Variants in TTBK1 observed in about 807,000 individuals in gnomAD.
The protein encoded by TTBK1 is tau-tubulin kinase 1.
A neutral mutation model predicts 108.5 loss-of-function variants in TTBK1; 34 were observed. The ratio of observed to expected loss-of-function variants is 0.31; its 90% CI spans 0.24 to 0.42. The LOEUF is 0.42. Ranked by LOEUF, TTBK1 falls within the 10% of genes least tolerant of loss-of-function variation. The pLI is 1.00. For missense variants in TTBK1, 1,539 were observed against 1,826.0 expected, an observed-to-expected ratio of 0.84 and a Z score of 2.86; for synonymous variants, 809 against 795.1, an observed-to-expected ratio of 1.02 and a Z score of -0.29.
intron 13 of TTBK1, among the ~76,000 whole-genome samples, chr6:43,277,746 C>T: frequency 6.6e-6 from 1 of 152,176 alleles, no homozygotes; most frequent in Middle Eastern, 3.2e-3. Context: ...AGTGGTGGCA[C>T]AGACAGACAA....
At chr6:43,279,646 T>C (rs1778096821) in intron 13 of TTBK1, among the ~76,000 whole-genome samples, 1 of 152,158 alleles carries the variant, frequency 6.6e-6, no homozygotes, top group Non-Finnish European at 1.5e-5. Flanking sequence ...TGGCACACAG[T>C]TGGTGCTTAG....
chr6:43,252,564 G>A, intron 2 of TTBK1, among the ~76,000 whole-genome samples, 175 bp from the exon 3 acceptor site: 1 of 151,604 alleles, frequency 6.6e-6, no homozygotes, highest in East Asian at 1.9e-4. Context: ...GGAGGTTGCA[G>A]TGAGCCGAGA....
At chr6:43,279,250 G>C (rs1042824830) in intron 13 of TTBK1, among the ~76,000 whole-genome samples, 1 of 152,168 alleles carries the variant, frequency 6.6e-6, no homozygotes, top group Non-Finnish European at 1.5e-5. Context: ...GTGTTGCGGG[G>C]GATCCCATCC....
chr6:43,259,575 C>A lies in TTBK1; in HGVS notation c.1293C>A (p.Pro431=), dbSNP rs750712042. 3.1e-6 allele frequency: 5 copies of A among 1,607,052 alleles called. No individual in the cohort carries two copies. Among genetic ancestry groups the A allele is most frequent in the Non-Finnish European group, 3.4e-6 (4 of 1,176,900 alleles). ...EEEQSRGMGV[P]SSPVRAPPDS... ...AACAGAGCCGAGGCATGGGGGTCCC[C>A]AGCTCCCCAGTGCGTGCCCCCCCAG... Residue 431 remains proline, a synonymous_variant, in exon 12 of 15, where the codon CCC becomes CCA. Transcript: ENST00000259750. This position sits in a 1 kb window ranked among gnomAD's most constrained non-coding sequence, Gnocchi z 6.7.
At chr6:43,264,777 G>T (rs10948070) in intron 13 of TTBK1, among the ~76,000 whole-genome samples, 2,753 of 152,232 alleles carry the variant, frequency 0.018, 42 homozygotes, top group Middle Eastern at 0.027. Context: ...TGAGCTCTGA[G>T]AGCCAGGTGG....
intron 13 of TTBK1, among the ~76,000 whole-genome samples, chr6:43,266,613 A>AT (rs67120400): frequency 4.7e-4 from 68 of 146,210 alleles, no homozygotes; most frequent in South Asian, 6.6e-4. Context: ...AGGTCTGTGA[A>AT]TTTTTTTTTT....
intron 9 of TTBK1, among the ~76,000 whole-genome samples, chr6:43,256,398 G>A (rs1325637376): frequency 2.0e-5 from 3 of 151,878 alleles, no homozygotes; most frequent in Non-Finnish European, 4.4e-5. Context: ...CTCCCAAGGT[G>A]CCGGGATTAC....
At chr6:43,248,297 T>G (rs1777153343) in intron 2 of TTBK1, among the ~76,000 whole-genome samples, 1 of 152,118 alleles carries the variant, frequency 6.6e-6, no homozygotes, top group Admixed American at 6.6e-5. Flanking sequence ...GGCCACATGC[T>G]TCCCTTCAGC....
chr6:43,247,830 C>T (rs545575709), intron 2 of TTBK1, among the ~76,000 whole-genome samples: 1 of 152,234 alleles, frequency 6.6e-6, no homozygotes, highest in Admixed American at 6.5e-5. Flanking sequence ...GCGACGTTTT[C>T]AGAGATGTCT....
chr6:43,275,923 T>A (rs1582512500), intron 13 of TTBK1, among the ~76,000 whole-genome samples: 1 of 151,662 alleles, frequency 6.6e-6, no homozygotes, highest in Non-Finnish European at 1.5e-5. Context: ...GCCCTCAGAG[T>A]TCTCAGTGTC....
intron 13 of TTBK1, chr6:43,270,477 G>A (rs1237135754): frequency 1.1e-5 from 11 of 987,706 alleles, no homozygotes; most frequent in African/African-American, 3.5e-5. Flanking sequence ...ATGGATGGAG[G>A]CCAGGACAGC....
intron 12 of TTBK1, among the ~76,000 whole-genome samples, chr6:43,261,808 CAAAAA>C (rs11409412): frequency 3.5e-5 from 3 of 86,072 alleles, no homozygotes; most frequent in East Asian, 3.6e-4. Context: ...GATTCTGTCT[CAAAAA>C]AAAAAAAAAA....
chr6:43,252,985 G>C (rs147682808), intron 3 of TTBK1, 99 bp downstream of exon 3: 12 of 1,433,410 alleles, frequency 8.4e-6, no homozygotes, highest in African/African-American at 2.8e-5. Flanking sequence ...AGGAGATGTC[G>C]TGTGGTAGAG....
Position 43,254,570 on chromosome 6 carries a change from G to T in TTBK1, c.495G>T (p.Leu165=), listed in dbSNP as rs773958770. Reference sequence around the variant, plus strand: ...AGTCAAACTTTGCCATGGGCAGGCTGCCCTCCACCTACAGGAAGTGCTATA... The same window carrying T: ...AGTCAAACTTTGCCATGGGCAGGCTTCCCTCCACCTACAGGAAGTGCTATA... ...IKPSNFAMGR[L]PSTYRKCYML... is the part of the protein sequence containing the mutation. The change falls in exon 6 of 15, where the codon CTG becomes CTT. Residue 165 remains leucine, a synonymous_variant. Coordinates refer to ENST00000259750, the MANE Select transcript of TTBK1 (RefSeq NM_032538.3). 6.3e-7 allele frequency: 1 copy of T among 1,577,892 alleles called. No homozygotes were observed. Among genetic ancestry groups the T allele is most frequent in the Non-Finnish European group, 8.6e-7 (1 of 1,165,114 alleles).
At chr6:43,279,328 C>A (rs1401693336) in intron 13 of TTBK1, among the ~76,000 whole-genome samples, 1 of 152,164 alleles carries the variant, frequency 6.6e-6, no homozygotes, top group Non-Finnish European at 1.5e-5. Flanking sequence ...TGTCTCTAAC[C>A]AAGGTGCCAG....
At chr6:43,261,808 CAAAA>C (rs11409412) in intron 12 of TTBK1, among the ~76,000 whole-genome samples, 3 of 86,066 alleles carry the variant, frequency 3.5e-5, no homozygotes, top group Non-Finnish European at 2.3e-5. Flanking sequence ...GATTCTGTCT[CAAAA>C]AAAAAAAAAA....
intron 14 of TTBK1, among the ~76,000 whole-genome samples, 172 bp from the exon 15 acceptor site, chr6:43,284,811 T>C (rs563530383): frequency 6.6e-6 from 1 of 152,334 alleles, no homozygotes; most frequent in Admixed American, 6.5e-5. Context: ...CTCGAGGTCC[T>C]GCCCTGGAGG....
In TTBK1 at chr6:43,283,742, C is replaced by A; in HGVS notation, c.3002C>A (p.Ala1001Asp). ...ATAGAGGGCTCTGCCCTGTCTGGGG[C>A]CCCCCGGGAAACCCCCTCAGAGATG... ...AEIEGSALSG[A>D]PRETPSEMAT... is the part of the protein sequence containing the mutation. Residue 1001 changes from alanine to aspartate, a missense_variant, in exon 14 of 15, where the codon GCC becomes GAC. By Grantham distance (126) the Ala-to-Asp change is moderately radical (BLOSUM62 -2). Around this residue, in one of 5 missense-constraint regions of TTBK1, gnomAD observed 1,055 missense variants for 1,086.5 expected, o/e 0.97. Coordinates refer to ENST00000259750, the MANE Select transcript of TTBK1 (RefSeq NM_032538.3). The surrounding 1 kb of genome is among the most constrained non-coding windows in gnomAD (Gnocchi z 8.1). 4 of 1,613,652 alleles carry A rather than the reference C, an allele frequency of 2.5e-6. No individual in the cohort carries two copies. The South Asian group carries it at 3.3e-5, about 13-fold the overall frequency.
chr6:43,251,593 T>C (rs1777241387), intron 2 of TTBK1, among the ~76,000 whole-genome samples: 1 of 152,218 alleles, frequency 6.6e-6, no homozygotes, highest in African/African-American at 2.4e-5. Context: ...GAAATGATTT[T>C]GAGCCCCTCC....
Sources: gnomAD v4.1 joint callset for allele counts (sites outside exome capture counted in the v4.1 genomes callset) on GRCh38, gnomAD v4.1.1 for gene constraint, gnomAD v4.1.1 regional missense constraint, Gnocchi (gnomAD v3.1) non-coding constraint, MANE v1.5 for transcripts, NCBI Gene and HGNC (gene_info 2026-07-23, HGNC 2026-07-21) for gene names.